Variants in CPEB3 observed in about 807,000 individuals in gnomAD.
The protein encoded by CPEB3 is cytoplasmic polyadenylation element binding protein 3.
CPEB3 carries 20 observed loss-of-function variants against 67.2 expected under a neutral mutation model. That is an observed-to-expected ratio of 0.30 (90% confidence interval 0.21 to 0.43). The LOEUF (loss-of-function observed/expected upper bound fraction) is 0.43. Ranked by LOEUF, CPEB3 falls within the 20% of genes least tolerant of loss-of-function variation. The pLI is 1.00. For missense variants in CPEB3, 746 were observed against 968.6 expected (o/e 0.77, Z 3.05); for synonymous variants, 376 against 393.1 (o/e 0.96, Z 0.51).
intron 1 of CPEB3, among the ~76,000 whole-genome samples, chr10:92,279,383 T>C (rs1358688098): frequency 6.6e-6 from 1 of 152,226 alleles, no homozygotes; most frequent in African/African-American, 2.4e-5. Flanking sequence ...GTAAATTATA[T>C]TCCTATTTGT....
At chr10:92,238,108 AC>A (rs1478547321) in intron 2 of CPEB3, among the ~76,000 whole-genome samples, 1 of 152,072 alleles carries the variant, frequency 6.6e-6, no homozygotes, top group Non-Finnish European at 1.5e-5. Flanking sequence ...TCTACCAAGC[AC>A]TCCTCAAAGG....
At chr10:92,100,958 A>G (rs1213981647) in intron 7 of CPEB3, among the ~76,000 whole-genome samples, 1 of 152,206 alleles carries the variant, frequency 6.6e-6, no homozygotes, top group Non-Finnish European at 1.5e-5. Context: ...CCCTACAGCT[A>G]GAGTTCTCTC....
At chr10:92,076,986 T>C (rs1307684065) in intron 9 of CPEB3, among the ~76,000 whole-genome samples, 2 of 152,138 alleles carry the variant, frequency 1.3e-5, no homozygotes, top group East Asian at 3.8e-4. Flanking sequence ...CAGGTGGACA[T>C]GTGCTCCTGA....
intron 4 of CPEB3, among the ~76,000 whole-genome samples, chr10:92,153,205 G>A (rs1321487847): frequency 6.6e-6 from 1 of 152,200 alleles, no homozygotes; most frequent in African/African-American, 2.4e-5. Context: ...CGTGCTTCTA[G>A]CATGGTCTCC....
intron 9 of CPEB3, among the ~76,000 whole-genome samples, chr10:92,060,925 T>G (rs1393333934): frequency 6.6e-6 from 1 of 152,078 alleles, no homozygotes; most frequent in Non-Finnish European, 1.5e-5. Flanking sequence ...GGAATGAAAA[T>G]TAGTACAACC....
chr10:92,211,749 G>A (rs1006718821), intron 2 of CPEB3, among the ~76,000 whole-genome samples: 34 of 151,276 alleles, frequency 2.2e-4, no homozygotes, highest in African/African-American at 8.3e-4. Context: ...CACTATGTTG[G>A]CTAGGCTGGT....
intron 4 of CPEB3, among the ~76,000 whole-genome samples, chr10:92,177,213 G>C (rs1170270209): frequency 6.6e-6 from 1 of 152,180 alleles, no homozygotes; most frequent in East Asian, 1.9e-4. Flanking sequence ...TTATGCAAAC[G>C]TCGAGTGTTT....
chr10:92,221,277 G>C (rs1850686293), intron 2 of CPEB3, among the ~76,000 whole-genome samples: 1 of 152,184 alleles, frequency 6.6e-6, no homozygotes, highest in Admixed American at 6.5e-5. Flanking sequence ...TGGATCACTT[G>C]AGGTCAGGAG....
intron 2 of CPEB3, among the ~76,000 whole-genome samples, chr10:92,229,685 A>AAAATATAATTTTTAT (rs1851170086): frequency 2.6e-5 from 4 of 152,246 alleles, no homozygotes; most frequent in South Asian, 4.1e-4. Context: ...TACAAATTGA[A>AAAATATAATTTTTAT]GATGTCCTTT....
At chr10:92,240,693 G>T (rs1017977859) in intron 1 of CPEB3, among the ~76,000 whole-genome samples, 2 of 152,048 alleles carry the variant, frequency 1.3e-5, no homozygotes, top group Non-Finnish European at 2.9e-5. Context: ...AACTCAGAGC[G>T]TTCGCCCTGC....
chr10:92,198,392 T>TGACCTTTGCTCAAC (rs1203492406), intron 2 of CPEB3, among the ~76,000 whole-genome samples: 1 of 152,222 alleles, frequency 6.6e-6, no homozygotes, highest in African/African-American at 2.4e-5. Context: ...CCTTGGTCAA[T>TGACCTTTGCTCAAC]GACCTTTGCT....
At chr10:92,238,606 T>G (rs1425724792) in intron 2 of CPEB3, among the ~76,000 whole-genome samples, 2 of 146,404 alleles carry the variant, frequency 1.4e-5, no homozygotes, top group African/African-American at 5.2e-5. Context: ...GAAGGTCACG[T>G]CCTATTGTCT....
chr10:92,192,021 T>G (rs1050801031), intron 3 of CPEB3, among the ~76,000 whole-genome samples: 5 of 152,212 alleles, frequency 3.3e-5, no homozygotes, highest in African/African-American at 1.2e-4. Flanking sequence ...TGGTGATACT[T>G]CCTATACTAG....
intron 4 of CPEB3, among the ~76,000 whole-genome samples, chr10:92,162,768 C>A (rs1017772519): frequency 1.3e-5 from 2 of 152,110 alleles, no homozygotes; most frequent in African/African-American, 4.8e-5. Flanking sequence ...TATGACTTGG[C>A]CTGCACTAAG....
At chr10:92,249,541 G>A (rs544021844) in intron 1 of CPEB3, among the ~76,000 whole-genome samples, 7 of 152,002 alleles carry the variant, frequency 4.6e-5, no homozygotes, top group South Asian at 2.1e-4. Flanking sequence ...GCAACTACTC[G>A]GGAGGTTGAG....
At chr10:92,262,695 A>T (rs886585833) in intron 1 of CPEB3, among the ~76,000 whole-genome samples, 2 of 152,114 alleles carry the variant, frequency 1.3e-5, no homozygotes, top group South Asian at 2.1e-4. Context: ...TTAAATTTTT[A>T]AAAAATAAAT....
At chr10:92,205,476 T>TC (rs1849740356) in intron 2 of CPEB3, among the ~76,000 whole-genome samples, 2 of 142,128 alleles carry the variant, frequency 1.4e-5, no homozygotes. Flanking sequence ...AGTCCTTTTT[T>TC]TTTTTTTTTT....
intron 1 of CPEB3, among the ~76,000 whole-genome samples, chr10:92,252,939 T>C (rs1852361146): frequency 6.6e-6 from 1 of 152,112 alleles, no homozygotes; most frequent in Admixed American, 6.6e-5. Context: ...TCCTTTTTTT[T>C]TTGAGACAGG....
chr10:92,142,986 T>A, intron 6 of CPEB3, 43 bp downstream of exon 6: 3 of 1,402,664 alleles, frequency 2.1e-6, no homozygotes, highest in Non-Finnish European at 2.0e-6. Context: ...TGTCATGCTA[T>A]CTCTCCAACA....
Sources: gnomAD v4.1 joint callset for allele counts (sites outside exome capture counted in the v4.1 genomes callset) on GRCh38, gnomAD v4.1.1 for gene constraint, MANE v1.5 for transcripts, NCBI Gene and HGNC (gene_info 2026-07-23, HGNC 2026-07-21) for gene names.